ARK2C: variants seen among roughly 807,000 people sequenced by gnomAD.
The protein encoded by ARK2C is E3 ubiquitin-protein ligase ARK2C.
chr18:46,380,568 G>A, the ARK2C span, among the ~76,000 whole-genome samples: 1 of 152,192 alleles, frequency 6.6e-6, no homozygotes, highest in Non-Finnish European at 1.5e-5. Context: ...AGGTCCTAGT[G>A]CTTCATCCTT....
chr18:46,337,345 A>G, the ARK2C span: 2 of 985,140 alleles, frequency 2.0e-6, no homozygotes, highest in African/African-American at 1.7e-5. Flanking sequence ...TGTATCAAAT[A>G]TCCTTTTGGT....
chr18:46,397,580 ATGCTGGGGTGTGAGGGTGTGTGTGT>A, the ARK2C span, among the ~76,000 whole-genome samples: 12 of 59,264 alleles, frequency 2.0e-4, no homozygotes, highest in African/African-American at 8.1e-4. Flanking sequence ...GTGTGTGGTC[ATGCTGGGGTGTGAGGGTGTGTGTGT>A]GTGTGTGGTC....
the ARK2C span, among the ~76,000 whole-genome samples, chr18:46,395,007 C>T: frequency 6.6e-6 from 1 of 152,336 alleles, no homozygotes; most frequent in South Asian, 2.1e-4. Context: ...GAGACAGCTT[C>T]TTTCGGACCA....
chr18:46,379,471 G>C, the ARK2C span, among the ~76,000 whole-genome samples: 5 of 152,162 alleles, frequency 3.3e-5, no homozygotes, highest in Admixed American at 3.3e-4. Context: ...TACAGATGAG[G>C]GAATAAGTCC....
At chr18:46,435,497 G>T in the ARK2C span, 26 of 916,286 alleles carry the variant, frequency 2.8e-5, no homozygotes, top group East Asian at 6.0e-4. Flanking sequence ...TTTGAATGGC[G>T]CAGGAGGCCT....
the ARK2C span, among the ~76,000 whole-genome samples, chr18:46,373,599 C>G: frequency 6.6e-6 from 1 of 152,184 alleles, no homozygotes; most frequent in Non-Finnish European, 1.5e-5. Context: ...TTATAGATCC[C>G]CAGTGACGTT....
At chr18:46,428,095 A>G in the ARK2C span, among the ~76,000 whole-genome samples, 1 of 152,148 alleles carries the variant, frequency 6.6e-6, no homozygotes, top group South Asian at 2.1e-4. Context: ...GTGGGAAACA[A>G]GGAGAATGTA....
At chr18:46,454,110 CAA>C in the ARK2C span, among the ~76,000 whole-genome samples, 9 of 16,626 alleles carry the variant, frequency 5.4e-4, no homozygotes, top group African/African-American at 1.3e-3. Context: ...AAGGCCGTCT[CAA>C]AAAAAAAAAA....
the ARK2C span, among the ~76,000 whole-genome samples, chr18:46,420,156 C>G: frequency 1.3e-5 from 2 of 152,264 alleles, no homozygotes; most frequent in East Asian, 3.9e-4. Flanking sequence ...GTCTGAAATC[C>G]CACCATTAGA....
chr18:46,452,478 C>G, the ARK2C span, among the ~76,000 whole-genome samples: 1 of 152,042 alleles, frequency 6.6e-6, no homozygotes, highest in Non-Finnish European at 1.5e-5. Flanking sequence ...TGGGGTTTCA[C>G]CATGTTGCCC....
At chr18:46,380,306 C>A in the ARK2C span, among the ~76,000 whole-genome samples, 1 of 152,184 alleles carries the variant, frequency 6.6e-6, no homozygotes, top group African/African-American at 2.4e-5. Flanking sequence ...ATGGTGCCCA[C>A]GGGGGCTGTT....
the ARK2C span, among the ~76,000 whole-genome samples, chr18:46,433,879 G>C: frequency 1.3e-5 from 2 of 152,150 alleles, no homozygotes; most frequent in Non-Finnish European, 2.9e-5. Flanking sequence ...AATTTGACTA[G>C]GGAACTCCTC....
chr18:46,412,226 G>A, the ARK2C span, among the ~76,000 whole-genome samples: 1 of 152,234 alleles, frequency 6.6e-6, no homozygotes, highest in Non-Finnish European at 1.5e-5. Context: ...ATCCTGCCAT[G>A]ATCATATGTC....
the ARK2C span, among the ~76,000 whole-genome samples, chr18:46,391,924 G>A: frequency 4.0e-5 from 6 of 150,534 alleles, no homozygotes; most frequent in East Asian, 1.9e-4. Context: ...ACTTATACAC[G>A]TACACCATGC....
At chr18:46,358,221 G>A in the ARK2C span, among the ~76,000 whole-genome samples, 11 of 152,206 alleles carry the variant, frequency 7.2e-5, no homozygotes, top group Admixed American at 5.2e-4. Context: ...GGCTGCAAGC[G>A]TTCAGAGAAA....
the ARK2C span, among the ~76,000 whole-genome samples, chr18:46,454,928 T>A: frequency 6.6e-6 from 1 of 152,214 alleles, no homozygotes; most frequent in Admixed American, 6.5e-5. Context: ...TATGGGGTGG[T>A]ACTTAAAGAA....
At chr18:46,362,612 C>T in the ARK2C span, among the ~76,000 whole-genome samples, 26 of 152,344 alleles carry the variant, frequency 1.7e-4, no homozygotes, top group South Asian at 3.9e-3. Context: ...CTAATGAGAG[C>T]CTCAAAGCTT....
the ARK2C span, among the ~76,000 whole-genome samples, chr18:46,350,295 G>A: frequency 6.6e-6 from 1 of 152,208 alleles, no homozygotes; most frequent in Non-Finnish European, 1.5e-5. Flanking sequence ...CAGCCGCAGA[G>A]CCTGGGCCTT....
the ARK2C span, among the ~76,000 whole-genome samples, chr18:46,359,775 A>C: frequency 6.6e-6 from 1 of 152,178 alleles, no homozygotes; most frequent in Non-Finnish European, 1.5e-5. Context: ...TTTCAAAGTC[A>C]TACATGGCCC....
Sources: allele counts gnomAD v4.1 joint callset (sites outside exome capture counted in the v4.1 genomes callset), GRCh38; gene constraint gnomAD v4.1.1; transcripts MANE v1.5; gene names NCBI Gene and HGNC (gene_info 2026-07-23, HGNC 2026-07-21).